SLC2A13: variants seen among roughly 807,000 people sequenced by gnomAD.
SLC2A13 encodes the protein solute carrier family 2 member 13.
SLC2A13 carries 32 observed loss-of-function variants against 64.4 expected under a neutral mutation model. That is an observed-to-expected ratio of 0.50 (90% CI 0.37 to 0.67). SLC2A13 has a LOEUF of 0.67. SLC2A13 is among the 30% of genes least tolerant of loss of function. The pLI is 0.00. For synonymous variants in SLC2A13, 338 were observed against 327.1 expected (o/e 1.03, Z -0.36); for missense variants, 743 against 829.2 (o/e 0.90, Z 1.28).
At chr12:40,003,055 T>A (rs912919804) in intron 3 of SLC2A13, among the ~76,000 whole-genome samples, 2 of 152,084 alleles carry the variant, frequency 1.3e-5, no homozygotes, top group Non-Finnish European at 2.9e-5. Flanking sequence ...AACCACCCTC[T>A]CCCCTGGTGA....
In SLC2A13 at chr12:39,856,930, A is replaced by G. The variant is rs1943623911; in HGVS notation, c.1319+7832T>C. ...CTGTAAGGTTTTCTTGGTCTTTATT[A>G]TAAGAAAATACACCAGACGCTGATT... On this transcript the variant is annotated intron_variant, in intron 6 of 9. Transcript: ENST00000280871. 2.0e-5 allele frequency among the ~76,000 whole-genome samples: 3 copies of G among 152,186 alleles called. No individual in the cohort carries two copies. The South Asian group carries it at 6.2e-4, about 32-fold the overall frequency.
At chr12:40,071,130 C>T (rs1012155572) in intron 1 of SLC2A13, among the ~76,000 whole-genome samples, 3 of 152,162 alleles carry the variant, frequency 2.0e-5, no homozygotes, top group Admixed American at 2.0e-4. Context: ...TGCTGCTAAG[C>T]ATCTTAAAAA....
At chr12:39,897,202 A>C (rs1304959355) in intron 4 of SLC2A13, among the ~76,000 whole-genome samples, 1 of 152,168 alleles carries the variant, frequency 6.6e-6, no homozygotes, top group Non-Finnish European at 1.5e-5. Flanking sequence ...CATCCATGAA[A>C]AAAGAGGATT....
At chr12:39,940,879 C>G (rs555397597) in intron 4 of SLC2A13, among the ~76,000 whole-genome samples, 3 of 81,028 alleles carry the variant, frequency 3.7e-5, no homozygotes, top group African/African-American at 1.0e-4. Context: ...ACTCTTCCCC[C>G]TCAAGTCCCC....
intron 3 of SLC2A13, among the ~76,000 whole-genome samples, chr12:39,995,815 T>C (rs1763532719): frequency 6.6e-6 from 1 of 152,168 alleles, no homozygotes; most frequent in Admixed American, 6.5e-5. Context: ...CTGATAGTTT[T>C]AAAAACGGGA....
intron 7 of SLC2A13, among the ~76,000 whole-genome samples, chr12:39,820,962 C>T (rs1200483221): frequency 6.6e-6 from 1 of 151,854 alleles, no homozygotes; most frequent in African/African-American, 2.4e-5. Context: ...ACCTTAACAG[C>T]TCTCTACTTC....
At chr12:39,807,185 G>A (rs1466522394) in intron 7 of SLC2A13, among the ~76,000 whole-genome samples, 2 of 152,194 alleles carry the variant, frequency 1.3e-5, no homozygotes, top group East Asian at 1.9e-4. Flanking sequence ...GTGGTCATGA[G>A]GAGTTAAGGA....
intron 1 of SLC2A13, among the ~76,000 whole-genome samples, chr12:40,064,761 G>A (rs1937659047): frequency 6.6e-6 from 1 of 152,120 alleles, no homozygotes; most frequent in African/African-American, 2.4e-5. Context: ...TATTAGTGGT[G>A]AGAAGCAACA....
At chr12:40,102,072 C>G (rs1939169541) in intron 1 of SLC2A13, among the ~76,000 whole-genome samples, 1 of 152,238 alleles carries the variant, frequency 6.6e-6, no homozygotes, top group South Asian at 2.1e-4. Flanking sequence ...GTAGAACTTT[C>G]CTCAATCCTG....
intron 3 of SLC2A13, among the ~76,000 whole-genome samples, chr12:39,994,039 T>C (rs1225269200): frequency 6.6e-6 from 1 of 152,176 alleles, no homozygotes; most frequent in Non-Finnish European, 1.5e-5. Context: ...GTAGACATCT[T>C]GCAATCTTCT....
chr12:39,881,903 T>G (rs2135959934), intron 4 of SLC2A13, among the ~76,000 whole-genome samples: 1 of 152,196 alleles, frequency 6.6e-6, no homozygotes, highest in Non-Finnish European at 1.5e-5. Context: ...TTCTTACCCC[T>G]GTATCATGAT....
intron 3 of SLC2A13, among the ~76,000 whole-genome samples, chr12:39,954,823 G>A (rs866784729): frequency 2.6e-5 from 4 of 152,244 alleles, no homozygotes; most frequent in Middle Eastern, 3.4e-3. Flanking sequence ...AATCCTAAAC[G>A]TGTATGCACT....
At chr12:40,005,966 C>T (rs2136188479) in intron 3 of SLC2A13, among the ~76,000 whole-genome samples, 1 of 152,292 alleles carries the variant, frequency 6.6e-6, no homozygotes, top group South Asian at 2.1e-4. Flanking sequence ...TTCCAATGAT[C>T]AGCCAAGGTT....
chr12:39,982,213 CAATATCATACTG>C (rs1378602634), intron 3 of SLC2A13, among the ~76,000 whole-genome samples: 1 of 24,742 alleles, frequency 4.0e-5, no homozygotes, highest in Non-Finnish European at 8.2e-5. Flanking sequence ...AACCCACAGC[CAATATCATACTG>C]AATGGGCAAA....
intron 7 of SLC2A13, among the ~76,000 whole-genome samples, chr12:39,794,477 G>A (rs1031393748): frequency 5.3e-5 from 8 of 152,168 alleles, no homozygotes; most frequent in African/African-American, 1.9e-4. Context: ...GCAATTTGAT[G>A]TATAAAATAG....
intron 6 of SLC2A13, among the ~76,000 whole-genome samples, chr12:39,855,218 T>C (rs1192707286): frequency 6.6e-6 from 1 of 152,232 alleles, no homozygotes; most frequent in African/African-American, 2.4e-5. Flanking sequence ...TACTATTTAA[T>C]AACTTTATTT....
chr12:39,788,220 ATATGTT>A (rs1341489532), intron 7 of SLC2A13, among the ~76,000 whole-genome samples: 1 of 152,202 alleles, frequency 6.6e-6, no homozygotes, highest in African/African-American at 2.4e-5. Context: ...AAACCTATGA[ATATGTT>A]TATAAGTTAG....
intron 3 of SLC2A13, among the ~76,000 whole-genome samples, chr12:39,963,398 C>G (rs560646929): frequency 6.6e-6 from 1 of 151,910 alleles, no homozygotes; most frequent in South Asian, 2.1e-4. Context: ...CAAATAGATT[C>G]ATTAACATAA....
intron 6 of SLC2A13, among the ~76,000 whole-genome samples, chr12:39,858,084 C>A (rs1279125408): frequency 6.6e-6 from 1 of 152,140 alleles, no homozygotes; most frequent in African/African-American, 2.4e-5. Flanking sequence ...AAGAATATGT[C>A]CCATAAATGG....
Sources: allele counts gnomAD v4.1 joint callset (sites outside exome capture counted in the v4.1 genomes callset), GRCh38; gene constraint gnomAD v4.1.1; transcripts MANE v1.5; gene names NCBI Gene and HGNC (gene_info 2026-07-23, HGNC 2026-07-21).